SDK1: variants seen among roughly 807,000 people sequenced by gnomAD.
SDK1 encodes protein sidekick-1.
SDK1 carries 157 observed loss-of-function variants against 245.5 expected under a neutral mutation model. The ratio of observed to expected loss-of-function variants is 0.64; its 90% CI spans 0.56 to 0.73. The LOEUF (loss-of-function observed/expected upper bound fraction) is 0.73, where lower values mean the gene tolerates loss of function less well. Ranked by LOEUF, SDK1 falls within the 30% of genes least tolerant of loss-of-function variation. SDK1 has a pLI of 0.00. For synonymous variants in SDK1, 1,647 were observed against 1,278.5 expected (o/e 1.29, Z -6.15); for missense variants, 3,583 against 3,002.3 (o/e 1.19, Z -4.52).
At chr7:4,186,808 T>C (rs1017793982) in intron 35 of SDK1, among the ~76,000 whole-genome samples, 19 of 152,136 alleles carry the variant, frequency 1.2e-4, no homozygotes, top group Admixed American at 8.5e-4. Context: ...TGGGCCCGTA[T>C]AGACAGTGCG....
chr7:4,030,265 A>G (rs71527466), intron 17 of SDK1, among the ~76,000 whole-genome samples: 41,336 of 152,084 alleles, frequency 0.27, 7,993 homozygotes, highest in African/African-American at 0.56. Context: ...CCAGTTAGAT[A>G]TCTTTGTGAC....
chr7:3,403,553 T>C (rs1047360215), intron 1 of SDK1, among the ~76,000 whole-genome samples: 2 of 151,828 alleles, frequency 1.3e-5, no homozygotes, highest in African/African-American at 4.8e-5. Flanking sequence ...TAAATAAAAG[T>C]TTATTTGCAC....
chr7:3,462,105 T>C (rs73296754), intron 1 of SDK1, among the ~76,000 whole-genome samples: 2 of 152,126 alleles, frequency 1.3e-5, no homozygotes, highest in Non-Finnish European at 2.9e-5. Context: ...ACCTTTTTCA[T>C]GTGGTTTCCG....
At chr7:4,237,100 C>A (rs928727076) in intron 41 of SDK1, among the ~76,000 whole-genome samples, 1 of 152,124 alleles carries the variant, frequency 6.6e-6, no homozygotes, top group African/African-American at 2.4e-5. Context: ...CTATGTTGCC[C>A]AGGCTGGTCT....
At chr7:4,210,475 C>A (rs1784455624) in intron 38 of SDK1, among the ~76,000 whole-genome samples, 1 of 152,192 alleles carries the variant, frequency 6.6e-6, no homozygotes, top group South Asian at 2.1e-4. Flanking sequence ...TCAAGACATT[C>A]CTCTCCTATT....
intron 22 of SDK1, among the ~76,000 whole-genome samples, chr7:4,101,302 A>G (rs1782523424): frequency 6.6e-6 from 1 of 151,590 alleles, no homozygotes; most frequent in Non-Finnish European, 1.5e-5. Context: ...CCACCACACC[A>G]CGCCCGGCTA....
intron 25 of SDK1, among the ~76,000 whole-genome samples, chr7:4,116,006 G>A (rs992964544): frequency 6.6e-6 from 1 of 152,180 alleles, no homozygotes; most frequent in African/African-American, 2.4e-5. Flanking sequence ...GGCATGGGTG[G>A]AGGTGGCTTT....
At chr7:3,637,812 A>T (rs1389956385) in intron 2 of SDK1, among the ~76,000 whole-genome samples, 3 of 152,256 alleles carry the variant, frequency 2.0e-5, no homozygotes, top group African/African-American at 4.8e-5. Context: ...GTGGAGAAGT[A>T]AGGAAAGGAA....
intron 4 of SDK1, among the ~76,000 whole-genome samples, chr7:3,808,982 C>A (rs1436127306): frequency 6.6e-6 from 1 of 152,074 alleles, no homozygotes; most frequent in Non-Finnish European, 1.5e-5. Context: ...CACTGAGGAT[C>A]CAGCATCACC....
At chr7:4,156,590 C>T (rs558770095) in intron 30 of SDK1, among the ~76,000 whole-genome samples, 1 of 152,198 alleles carries the variant, frequency 6.6e-6, no homozygotes, top group Non-Finnish European at 1.5e-5. Flanking sequence ...GGTAGAGAAA[C>T]AGTGTCACCT....
At chr7:3,803,068 C>G (rs1049636602) in intron 4 of SDK1, among the ~76,000 whole-genome samples, 1 of 152,150 alleles carries the variant, frequency 6.6e-6, no homozygotes, top group African/African-American at 2.4e-5. Context: ...TGTGGCTATA[C>G]TATTTTTCAT....
At chr7:3,464,305 C>T (rs561996373) in intron 1 of SDK1, among the ~76,000 whole-genome samples, 1 of 152,256 alleles carries the variant, frequency 6.6e-6, no homozygotes, top group African/African-American at 2.4e-5. Context: ...GGGAACATTG[C>T]TTGAGGCCGG....
At chr7:3,779,863 C>T (rs1002810194) in intron 4 of SDK1, among the ~76,000 whole-genome samples, 11 of 143,552 alleles carry the variant, frequency 7.7e-5, no homozygotes, top group African/African-American at 1.6e-4. Flanking sequence ...ACCCGGGAAG[C>T]GGAGCTTGCA....
chr7:3,813,607 A>C (rs1010691022), intron 4 of SDK1, among the ~76,000 whole-genome samples: 38 of 149,624 alleles, frequency 2.5e-4, no homozygotes, highest in African/African-American at 9.0e-4. Flanking sequence ...CATGCTTTAT[A>C]GTCATTTGGG....
At chr7:3,440,951 C>G (rs1407129136) in intron 1 of SDK1, among the ~76,000 whole-genome samples, 1 of 152,102 alleles carries the variant, frequency 6.6e-6, no homozygotes, top group Non-Finnish European at 1.5e-5. Flanking sequence ...CAAGGGATCC[C>G]TTGAAATGAG....
chr7:3,500,390 T>C (rs1782159456), intron 1 of SDK1, among the ~76,000 whole-genome samples: 1 of 152,192 alleles, frequency 6.6e-6, no homozygotes, highest in African/African-American at 2.4e-5. Flanking sequence ...TAGACATTTT[T>C]TCTACCCTCT....
chr7:3,754,095 A>T (rs1356412050), intron 4 of SDK1, among the ~76,000 whole-genome samples: 1 of 152,234 alleles, frequency 6.6e-6, no homozygotes, highest in Non-Finnish European at 1.5e-5. Context: ...TAGATTAGCC[A>T]GTCACTCCAG....
chr7:4,149,815 A>G (rs1780233837), intron 30 of SDK1, among the ~76,000 whole-genome samples: 1 of 152,092 alleles, frequency 6.6e-6, no homozygotes, highest in African/African-American at 2.4e-5. Context: ...GGAGGGGACC[A>G]TGTGGAGGAG....
intron 2 of SDK1, among the ~76,000 whole-genome samples, chr7:3,635,561 G>T (rs1782432215): frequency 6.6e-6 from 1 of 152,132 alleles, no homozygotes. Context: ...TTTTGAAAAA[G>T]TTTCTCTGGT....
Sources: allele counts gnomAD v4.1 joint callset (sites outside exome capture counted in the v4.1 genomes callset), GRCh38; gene constraint gnomAD v4.1.1; transcripts MANE v1.5; gene names NCBI Gene and HGNC (gene_info 2026-07-23, HGNC 2026-07-21).